Variants in SLC43A3 observed in about 807,000 individuals in gnomAD.
SLC43A3 encodes the protein solute carrier family 43 member 3, also known as equilibrative nucleobase transporter 1.
Under a neutral mutation model 53.3 loss-of-function variants are expected in SLC43A3, and 33 were observed. The observed-to-expected ratio is 0.62, with a 90% CI of 0.47 to 0.83. The LOEUF (loss-of-function observed/expected upper bound fraction) is 0.83, where lower values mean the gene tolerates loss of function less well. SLC43A3 is among the 40% of genes least tolerant of loss of function. SLC43A3 has a pLI of 0.00. For missense variants in SLC43A3, 530 were observed against 610.0 expected, an observed-to-expected ratio of 0.87 and a Z score of 1.38; for synonymous variants, 236 against 246.2, an observed-to-expected ratio of 0.96 and a Z score of 0.39.
chr11:57,416,576 C>T lies in SLC43A3; in HGVS notation c.766G>A (p.Glu256Lys), dbSNP rs1942735340. The T allele has an allele frequency of 6.2e-7, 1 of 1,613,466 alleles. No individual in the cohort carries two copies. The highest frequency in any genetic ancestry group is 8.5e-7 in the Non-Finnish European group (1 of 1,179,626). ...LQSKEFLSAK[E>K]ETPGAGQKQE... is the part of the protein sequence containing the mutation. The stretch of plus-strand genomic sequence containing the variant: ...TGGGTTAGCCAGCAGGGCTCACCTT[C>T]CTTCGCTGAAAGGAACTCCTTTGAC... Residue 256 changes from glutamate (E) to lysine (K), a missense_variant, in exon 9 of 14, where the codon GAA (glutamate) becomes AAA (lysine). Around this residue, in one of 3 missense-constraint regions of SLC43A3, gnomAD observed 376 missense variants for 386.7 expected, o/e 0.97. Coordinates refer to ENST00000395124, the MANE Select transcript of SLC43A3 (RefSeq NM_199329.3).
rs752964350 is a variant in SLC43A3, at chr11:57,417,755, T to C, written c.664A>G (p.Ser222Gly). The C allele has an allele frequency of 6.2e-7, 1 of 1,614,062 alleles. No homozygotes were observed. Among genetic ancestry groups the C allele is most frequent in the Non-Finnish European group, 8.5e-7 (1 of 1,179,978 alleles). The change falls in exon 8 of 14, where the codon AGC becomes GGC. Residue 222 changes from serine to glycine, a missense_variant. Transcript: ENST00000395124. ...TCACCAGATAGTCCTTACCCATAGC[T>C]GTAGTTGGGGGGCAGTGGGTATGGG... ...HIPYPLPPNYSYGLCPGNGTT... is the reference protein window; with the variant it reads ...HIPYPLPPNYGYGLCPGNGTT...
intron 8 of SLC43A3, among the ~76,000 whole-genome samples, chr11:57,417,291 A>G (rs1333702217): frequency 6.6e-6 from 1 of 152,232 alleles, no homozygotes; most frequent in Non-Finnish European, 1.5e-5. Context: ...TGGCTGTGCC[A>G]ATTCCAAGCT....
At chr11:57,416,298 C>T (rs549302886) in intron 9 of SLC43A3, among the ~76,000 whole-genome samples, 8 of 152,114 alleles carry the variant, frequency 5.3e-5, no homozygotes, top group East Asian at 1.9e-4. Context: ...AGGGCAGAAC[C>T]GAGGAGTGGG....
chr11:57,423,171 C>T (rs1231775551), intron 5 of SLC43A3, among the ~76,000 whole-genome samples: 1 of 152,166 alleles, frequency 6.6e-6, no homozygotes, highest in Non-Finnish European at 1.5e-5. Context: ...AGGGGTCCTG[C>T]TGTGGCTTCA....
chr11:57,425,395 T>C, intron 4 of SLC43A3, 146 bp downstream of exon 4: 1 of 776,230 alleles, frequency 1.3e-6, no homozygotes, highest in South Asian at 1.7e-5. Context: ...CCTGGGGCTG[T>C]TCCTAACAGC....
chr11:57,425,448 G>C (rs888791899), intron 4 of SLC43A3, 93 bp downstream of exon 4: 1 of 1,374,456 alleles, frequency 7.3e-7, no homozygotes, highest in African/African-American at 1.4e-5. Context: ...CAGGGTGGCC[G>C]GGCTGTCTGA....
At chr11:57,411,573 G>A (rs1565095093) in intron 11 of SLC43A3, among the ~76,000 whole-genome samples, 1 of 151,840 alleles carries the variant, frequency 6.6e-6, no homozygotes, top group Non-Finnish European at 1.5e-5. Flanking sequence ...GCTGAAGGGA[G>A]AGGATCACTT....
At position 57,426,280 on chromosome 11, in the gene SLC43A3, G is replaced by A; in HGVS notation, c.-108C>T. On this transcript the variant is annotated 5_prime_UTR_variant, in exon 3 of 14. Coordinates refer to ENST00000395124, the MANE Select transcript of SLC43A3 (RefSeq NM_199329.3). ...TTGGAAAATTCCTCTGGCAAGCCAAGCCCTTCCTTTCCCGTAGCTCTCTGG... is the reference window on the plus strand; with the variant it reads ...TTGGAAAATTCCTCTGGCAAGCCAAACCCTTCCTTTCCCGTAGCTCTCTGG... 5 of 1,067,416 alleles carry A rather than the reference G, an allele frequency of 4.7e-6. No individual in the cohort carries two copies. Among genetic ancestry groups the A allele is most frequent in the Non-Finnish European group, 6.7e-6 (5 of 740,952 alleles). The allele number at this position is 1,067,416 out of a possible 1,614,324, so 66.1% of individuals were successfully genotyped here.
intron 4 of SLC43A3, among the ~76,000 whole-genome samples, chr11:57,424,657 G>C (rs1468272144): frequency 6.6e-6 from 1 of 152,098 alleles, no homozygotes; most frequent in African/African-American, 2.4e-5. Flanking sequence ...AGAGGGAGGG[G>C]ACAAAGGAAG....
rs1482720026 is a variant in SLC43A3, at chr11:57,417,803, G to A, written c.616C>T (p.Leu206Phe). The change falls in exon 8 of 14, where the codon CTC becomes TTC. Residue 206 changes from leucine (L) to phenylalanine (F), a missense_variant. By Grantham distance (22) the Leu-to-Phe change is conservative. Coordinates refer to ENST00000395124, the MANE Select transcript of SLC43A3 (RefSeq NM_199329.3). ...CSTWHVARTF[L>F]LMPRGHIPYP... Reference sequence around the variant, plus strand: ...GGGATGTGCCCCCGGGGCATCAGGAGGAAAGTGCGTGCTACATGCCAGGTA... The same window carrying A: ...GGGATGTGCCCCCGGGGCATCAGGAAGAAAGTGCGTGCTACATGCCAGGTA... 4 of 1,614,066 alleles carry A rather than the reference G, an allele frequency of 2.5e-6. No individual in the cohort carries two copies. The highest frequency in any genetic ancestry group is 3.4e-6 in the Non-Finnish European group (4 of 1,180,042).
intron 10 of SLC43A3, 62 bp downstream of exon 10, chr11:57,414,871 G>T: frequency 6.3e-7 from 1 of 1,589,554 alleles, no homozygotes; most frequent in African/African-American, 1.3e-5. Context: ...CAGCCCTGCT[G>T]GGAGGCTCTG....
intron 4 of SLC43A3, among the ~76,000 whole-genome samples, chr11:57,424,833 A>G (rs1943139218): frequency 6.6e-6 from 1 of 152,134 alleles, no homozygotes; most frequent in Admixed American, 6.5e-5. Flanking sequence ...CCAATCTCAC[A>G]TGTGCCTCCC....
intron 7 of SLC43A3, among the ~76,000 whole-genome samples, chr11:57,418,433 C>T (rs1942823599): frequency 1.3e-5 from 2 of 152,082 alleles, no homozygotes; most frequent in African/African-American, 4.8e-5. Context: ...GTGGTTCCTG[C>T]CTGTAATTCT....
In SLC43A3 at chr11:57,425,972, G is replaced by A. The variant is rs774271098; in HGVS notation, c.184+17C>T. The stretch of plus-strand genomic sequence containing the variant: ...AGCCAGACTTAACTTCCTTAGAAAA[G>A]TCATCCCTGCCCTTACCAGCCTGCC... On this transcript the variant is annotated intron_variant, in intron 3 of 13. Transcript: ENST00000395124. 1 of 1,607,106 alleles carries A rather than the reference G, an allele frequency of 6.2e-7. No individual in the cohort carries two copies. Among genetic ancestry groups the A allele is most frequent in the East Asian group, 2.2e-5 (1 of 44,718 alleles).
In SLC43A3 at chr11:57,418,641, G is replaced by C. The variant is rs182842957; in HGVS notation, c.532-754C>G. Reference sequence around the variant, plus strand: ...ACATGATTACATGCCTGTAATCCCAGTACTTTGGGAGGCTGAGGCAAGCAG... The same window carrying C: ...ACATGATTACATGCCTGTAATCCCACTACTTTGGGAGGCTGAGGCAAGCAG... On this transcript the variant is annotated intron_variant, in intron 7 of 13. Coordinates refer to ENST00000395124, the MANE Select transcript of SLC43A3 (RefSeq NM_199329.3). 1.1e-4 allele frequency among the ~76,000 whole-genome samples: 16 copies of C among 152,274 alleles called. No homozygotes were observed. In the East Asian group the frequency reaches 3.1e-3, roughly 29 times the overall value.
chr11:57,419,520 G>A (rs1565100084), intron 7 of SLC43A3, among the ~76,000 whole-genome samples: 1 of 152,144 alleles, frequency 6.6e-6, no homozygotes, highest in Non-Finnish European at 1.5e-5. Flanking sequence ...GAGAGAGGCT[G>A]GGCATGGTGG....
chr11:57,425,602 T>A lies in SLC43A3; in HGVS notation c.253A>T (p.Thr85Ser). ...TLGSFMNNFM[T>S]FPTGYIFDRF... is the part of the protein sequence containing the mutation. The stretch of plus-strand genomic sequence containing the variant: ...TCAAAGATGTAGCCAGTGGGGAATG[T>A]CATGAAGTTGTTCATGAAGGACCCC... Residue 85 changes from threonine to serine, a missense_variant, in exon 4 of 14, where the codon ACA (threonine) becomes TCA (serine). Physicochemically the swap from Thr to Ser is moderately conservative, Grantham distance 58. This residue lies in a region of SLC43A3 where 376 missense variants were observed against 386.7 expected (regional missense o/e 0.97). Coordinates refer to ENST00000395124, the MANE Select transcript of SLC43A3 (RefSeq NM_199329.3). The A allele has an allele frequency of 6.2e-7, 1 of 1,614,106 alleles. No homozygotes were observed. The highest frequency in any genetic ancestry group is 8.5e-7 in the Non-Finnish European group (1 of 1,180,018).
In SLC43A3 at chr11:57,414,681, C is replaced by G; in HGVS notation, c.994G>C (p.Ala332Pro). The G allele has an allele frequency of 6.2e-7, 1 of 1,614,070 alleles. No homozygotes were observed. The highest frequency in any genetic ancestry group is 8.5e-7 in the Non-Finnish European group (1 of 1,179,978). ...TCCATGAGCAGGCCATTCCAGGGGG[C>G]ACACAGCACTCCGAACTGAGTGAAG... ...FAFTQFGVLC[A>P]PWNGLLMDRL... The change falls in exon 11 of 14, where the codon GCC becomes CCC. Residue 332 changes from alanine to proline, a missense_variant. Physicochemically the swap from Ala to Pro is conservative, Grantham distance 27. This residue lies in a region of SLC43A3 where 376 missense variants were observed against 386.7 expected (regional missense o/e 0.97). Coordinates refer to ENST00000395124, the MANE Select transcript of SLC43A3 (RefSeq NM_199329.3).
Position 57,407,464 on chromosome 11 carries a change from C to A in SLC43A3, c.*328G>T. 1 of 244,482 alleles carries A rather than the reference C, an allele frequency of 4.1e-6. No individual in the cohort carries two copies. The allele number at this position is 244,482 out of a possible 1,614,324, so 15.1% of individuals were successfully genotyped here. ...CATATAGGCTTCGGAGCCAAACAGG[C>A]CTAAAGAAATAGTTGACACACTTCC... On this transcript the variant is annotated 3_prime_UTR_variant, in exon 14 of 14. Coordinates refer to ENST00000395124, the MANE Select transcript of SLC43A3 (RefSeq NM_199329.3).
Sources: allele counts gnomAD v4.1 joint callset (sites outside exome capture counted in the v4.1 genomes callset), GRCh38; gene constraint gnomAD v4.1.1; regional missense constraint gnomAD v4.1.1; transcripts MANE v1.5; gene names NCBI Gene and HGNC (gene_info 2026-07-23, HGNC 2026-07-21).